REEP1: variants seen among roughly 807,000 people sequenced by gnomAD.
REEP1 encodes receptor accessory protein 1.
In REEP1, 22 loss-of-function variants were observed where a neutral mutation model predicts 40.3. The ratio of observed to expected loss-of-function variants is 0.55; its 90% CI spans 0.39 to 0.78. The LOEUF is 0.78. Ranked by LOEUF, REEP1 falls within the 30% of genes least tolerant of loss-of-function variation. REEP1 has a pLI of 0.00. For missense variants in REEP1, 280 were observed against 361.1 expected, an observed-to-expected ratio of 0.78 and a Z score of 1.82; for synonymous variants, 116 against 139.2, an observed-to-expected ratio of 0.83 and a Z score of 1.17.
At chr2:86,298,389 C>T (rs1679088630) in intron 1 of REEP1, among the ~76,000 whole-genome samples, 1 of 152,242 alleles carries the variant, frequency 6.6e-6, no homozygotes, top group African/African-American at 2.4e-5. Context: ...ATCACACCCG[C>T]TCCCTGGATC....
chr2:86,325,634 C>T (rs1431399188), intron 1 of REEP1, among the ~76,000 whole-genome samples: 1 of 152,124 alleles, frequency 6.6e-6, no homozygotes, highest in East Asian at 1.9e-4. Context: ...GCAGAGACTA[C>T]AGTAATGCAG....
intron 3 of REEP1, among the ~76,000 whole-genome samples, chr2:86,257,337 G>A (rs1351740914): frequency 6.6e-6 from 1 of 151,884 alleles, no homozygotes; most frequent in Admixed American, 6.5e-5. Context: ...CATGCATATA[G>A]TTAAAAAAAA....
rs1282349116 is a variant in REEP1, at chr2:86,232,353, A to ACC, written c.595+270_595+271dup. ...TTTGCCTAGACACTAGCCCCCAACT[A>ACC]CCCCCAATTCCCCAGACAATCATAT... On this transcript the variant is annotated intron_variant, in intron 6 of 8. Transcript: ENST00000538924. Among the ~76,000 whole-genome samples, 3 of 152,126 alleles carry ACC rather than the reference A, an allele frequency of 2.0e-5. No individual in the cohort carries two copies. The East Asian group carries it at 5.8e-4, about 29-fold the overall frequency.
intron 1 of REEP1, among the ~76,000 whole-genome samples, chr2:86,315,726 G>A (rs1017399955): frequency 6.6e-6 from 1 of 152,172 alleles, no homozygotes; most frequent in African/African-American, 2.4e-5. Flanking sequence ...TTTAGTATTG[G>A]TAAGAGGACC....
chr2:86,283,620 G>C (rs1678220744), intron 1 of REEP1, among the ~76,000 whole-genome samples: 1 of 152,212 alleles, frequency 6.6e-6, no homozygotes, highest in African/African-American at 2.4e-5. Flanking sequence ...ACAATCATCA[G>C]GTTTCCAGGG....
At chr2:86,246,487 C>T (rs139924631) in intron 5 of REEP1, among the ~76,000 whole-genome samples, 5 of 152,152 alleles carry the variant, frequency 3.3e-5, no homozygotes, top group African/African-American at 7.2e-5. Flanking sequence ...ACAAGATCTC[C>T]GGGGGAACTA....
chr2:86,267,446 T>C (rs921022154), intron 2 of REEP1, among the ~76,000 whole-genome samples: 2 of 152,136 alleles, frequency 1.3e-5, no homozygotes, highest in Admixed American at 1.3e-4. Flanking sequence ...TTAAACCTCA[T>C]TTATAAATTA....
intron 1 of REEP1, among the ~76,000 whole-genome samples, chr2:86,301,573 T>A (rs1209663233): frequency 6.6e-6 from 1 of 152,234 alleles, no homozygotes; most frequent in Non-Finnish European, 1.5e-5. Context: ...TAGTTTCCTA[T>A]CTCTCGTCAT....
chr2:86,300,028 GA>G, intron 1 of REEP1, among the ~76,000 whole-genome samples: 1 of 152,250 alleles, frequency 6.6e-6, no homozygotes, highest in Admixed American at 6.5e-5. Flanking sequence ...GGCCAGGGGG[GA>G]CCATGAGAGC....
At chr2:86,326,451 G>A (rs1035588048) in intron 1 of REEP1, among the ~76,000 whole-genome samples, 2 of 152,156 alleles carry the variant, frequency 1.3e-5, no homozygotes, top group Admixed American at 6.5e-5. Context: ...GGTGGCTCAC[G>A]CCTGTAATCC....
intron 1 of REEP1, among the ~76,000 whole-genome samples, chr2:86,282,452 T>TC (rs964790182): frequency 2.6e-5 from 4 of 151,970 alleles, no homozygotes; most frequent in Non-Finnish European, 4.4e-5. Context: ...CACACCCACC[T>TC]CCCTTCAACC....
At chr2:86,266,998 C>G (rs973370897) in intron 2 of REEP1, among the ~76,000 whole-genome samples, 1 of 146,044 alleles carries the variant, frequency 6.8e-6, no homozygotes, top group African/African-American at 2.5e-5. Flanking sequence ...CAGAGCAAGA[C>G]TCTGTCTCAG....
intron 6 of REEP1, among the ~76,000 whole-genome samples, chr2:86,231,389 G>C (rs977059550): frequency 4.6e-5 from 7 of 152,240 alleles, no homozygotes; most frequent in Admixed American, 4.6e-4. Context: ...GAAGGGCCAA[G>C]GGGACACTGC....
intron 1 of REEP1, among the ~76,000 whole-genome samples, chr2:86,291,850 T>G (rs1678718529): frequency 6.6e-6 from 1 of 152,330 alleles, no homozygotes; most frequent in African/African-American, 2.4e-5. Context: ...AGTTGGATTT[T>G]TATGCTCCCA....
intron 3 of REEP1, among the ~76,000 whole-genome samples, chr2:86,255,205 C>G (rs1241402502): frequency 6.6e-6 from 1 of 152,178 alleles, no homozygotes; most frequent in Non-Finnish European, 1.5e-5. Context: ...CACCCAGTCA[C>G]TCACTCTTCA....
intron 1 of REEP1, among the ~76,000 whole-genome samples, chr2:86,311,537 C>G (rs1233895155): frequency 6.6e-6 from 1 of 152,124 alleles, no homozygotes; most frequent in East Asian, 1.9e-4. Flanking sequence ...GCTGTCAATC[C>G]CTGGAGTTCC....
Position 86,297,740 on chromosome 2 carries a change from C to G in REEP1, c.33-15498G>C, listed in dbSNP as rs377685760. On this transcript the variant is annotated intron_variant, in intron 1 of 8. Coordinates refer to ENST00000538924, the MANE Select transcript of REEP1 (RefSeq NM_001371279.1). Reference sequence around the variant, plus strand: ...GTCTCAGTGGAATCATAAAAGCAACCTACCTCCTCATTCACTGGTTCTGGG... The same window carrying G: ...GTCTCAGTGGAATCATAAAAGCAACGTACCTCCTCATTCACTGGTTCTGGG... 3.0e-5 allele frequency: 30 copies of G among 985,150 alleles called. No homozygotes were observed. In the East Asian group the frequency reaches 5.7e-4, roughly 19 times the overall value. 61.0% of individuals were successfully genotyped at this position (985,150 alleles called of 1,614,324 possible). A position where few individuals can be genotyped will look rare whatever the true frequency, so the allele number is the denominator to read the frequency against.
At chr2:86,316,513 A>G (rs1383582455) in intron 1 of REEP1, among the ~76,000 whole-genome samples, 1 of 138,496 alleles carries the variant, frequency 7.2e-6, no homozygotes, top group African/African-American at 2.8e-5. Context: ...GTGCCATTGC[A>G]CTCCAGCCCA....
intron 8 of REEP1, among the ~76,000 whole-genome samples, chr2:86,218,000 C>T (rs2103951365): frequency 6.6e-6 from 1 of 152,134 alleles, no homozygotes; most frequent in East Asian, 1.9e-4. Context: ...TACCCTTGGC[C>T]CCCGTGTCTG....
Sources: allele counts gnomAD v4.1 joint callset (sites outside exome capture counted in the v4.1 genomes callset), GRCh38; gene constraint gnomAD v4.1.1; transcripts MANE v1.5; gene names NCBI Gene and HGNC (gene_info 2026-07-23, HGNC 2026-07-21).